KCTD8: variants seen among roughly 807,000 people sequenced by gnomAD.
KCTD8 encodes the protein BTB/POZ domain-containing protein KCTD8.
Under a neutral mutation model 31.5 loss-of-function variants are expected in KCTD8, and 27 were observed. That is an observed-to-expected ratio of 0.86 (90% CI 0.63 to 1.18). KCTD8 has a LOEUF of 1.18. Ranked by LOEUF, KCTD8 falls within the 50% of genes most tolerant of loss-of-function variation. KCTD8 has a pLI of 0.00. For synonymous variants in KCTD8, 290 were observed against 280.0 expected, an observed-to-expected ratio of 1.04 and a Z score of -0.36; for missense variants, 658 against 647.7, an observed-to-expected ratio of 1.02 and a Z score of -0.17.
At chr4:44,182,227 C>T (rs966147655) in intron 1 of KCTD8, among the ~76,000 whole-genome samples, 6 of 151,764 alleles carry the variant, frequency 4.0e-5, no homozygotes, top group Admixed American at 1.3e-4. Flanking sequence ...CACCTCTGCC[C>T]GGCCGCCCCT....
chr4:44,434,348 A>G (rs1407645663), intron 1 of KCTD8, among the ~76,000 whole-genome samples: 1 of 151,900 alleles, frequency 6.6e-6, no homozygotes, highest in African/African-American at 2.4e-5. Flanking sequence ...TCTATGCGTC[A>G]TATCATTTAA....
intron 1 of KCTD8, among the ~76,000 whole-genome samples, chr4:44,386,083 T>C (rs1285823357): frequency 2.0e-5 from 3 of 151,618 alleles, no homozygotes; most frequent in African/African-American, 7.2e-5. Flanking sequence ...ATTAGAACTC[T>C]TGTGCATTGT....
chr4:44,317,830 C>G (rs546692666), intron 1 of KCTD8, among the ~76,000 whole-genome samples: 2 of 152,324 alleles, frequency 1.3e-5, no homozygotes, highest in African/African-American at 4.8e-5. Context: ...CACTCTAATA[C>G]TCACTAGTAG....
chr4:44,418,974 T>C (rs1721144829), intron 1 of KCTD8, among the ~76,000 whole-genome samples: 1 of 152,226 alleles, frequency 6.6e-6, no homozygotes, highest in Admixed American at 6.5e-5. Context: ...AAACTCAAAT[T>C]ATTTTACTAC....
intron 1 of KCTD8, among the ~76,000 whole-genome samples, chr4:44,397,260 A>T (rs908490021): frequency 2.0e-5 from 3 of 152,186 alleles, no homozygotes; most frequent in Non-Finnish European, 4.4e-5. Context: ...ATCACAAGTG[A>T]AATTAGTGAA....
At chr4:44,423,726 T>C (rs1166551357) in intron 1 of KCTD8, among the ~76,000 whole-genome samples, 2 of 152,048 alleles carry the variant, frequency 1.3e-5, no homozygotes, top group Admixed American at 6.6e-5. Context: ...GAAAGCTTTT[T>C]GAATTCCACT....
intron 1 of KCTD8, among the ~76,000 whole-genome samples, chr4:44,277,625 C>T (rs1384693075): frequency 1.3e-5 from 2 of 151,644 alleles, no homozygotes; most frequent in Admixed American, 6.6e-5. Context: ...GGAACTAGAC[C>T]CCTGTTTTTC....
At chr4:44,318,925 G>T (rs2109404653) in intron 1 of KCTD8, among the ~76,000 whole-genome samples, 1 of 152,250 alleles carries the variant, frequency 6.6e-6, no homozygotes, top group Admixed American at 6.5e-5. Context: ...CCTTGAAAAA[G>T]CAGAAAAGAA....
intron 1 of KCTD8, among the ~76,000 whole-genome samples, chr4:44,333,102 T>C (rs1301830998): frequency 6.6e-6 from 1 of 152,098 alleles, no homozygotes; most frequent in Admixed American, 6.6e-5. Flanking sequence ...GATAACCAAC[T>C]GATCACACTA....
At chr4:44,190,406 A>G (rs1317753401) in intron 1 of KCTD8, among the ~76,000 whole-genome samples, 1 of 152,226 alleles carries the variant, frequency 6.6e-6, no homozygotes, top group East Asian at 1.9e-4. Flanking sequence ...GTTTATAATG[A>G]TACTTGTTTA....
intron 1 of KCTD8, among the ~76,000 whole-genome samples, chr4:44,417,583 C>A (rs934948241): frequency 1.5e-4 from 1 of 6,718 alleles, no homozygotes; most frequent in Non-Finnish European, 5.1e-4. Flanking sequence ...TATGGCAGAT[C>A]CTTAAGAAAA....
At chr4:44,401,181 A>T (rs73247540) in intron 1 of KCTD8, among the ~76,000 whole-genome samples, 22,545 of 151,712 alleles carry the variant, frequency 0.15, 1,857 homozygotes, top group Non-Finnish European at 0.18. Context: ...GTTTCTTAAG[A>T]TGTAGTTGGG....
intron 1 of KCTD8, among the ~76,000 whole-genome samples, chr4:44,267,493 G>C (rs1189660241): frequency 6.6e-6 from 1 of 152,066 alleles, no homozygotes; most frequent in Non-Finnish European, 1.5e-5. Context: ...AACTGGAAAA[G>C]CAAGAGCAAA....
intron 1 of KCTD8, among the ~76,000 whole-genome samples, chr4:44,424,625 T>C (rs1721301385): frequency 6.6e-6 from 1 of 152,038 alleles, no homozygotes; most frequent in Non-Finnish European, 1.5e-5. Context: ...GGCAATTGTT[T>C]CAGACTTTAG....
chr4:44,419,434 T>C (rs1350526944), intron 1 of KCTD8, among the ~76,000 whole-genome samples: 2 of 152,106 alleles, frequency 1.3e-5, no homozygotes, highest in African/African-American at 2.4e-5. Flanking sequence ...TGTCCTACTA[T>C]AAAAGCTGAC....
At chr4:44,412,059 C>G (rs1380940602) in intron 1 of KCTD8, among the ~76,000 whole-genome samples, 1 of 152,078 alleles carries the variant, frequency 6.6e-6, no homozygotes, top group Non-Finnish European at 1.5e-5. Flanking sequence ...AGAATAAAAT[C>G]TAGAACACTA....
At chr4:44,237,890 A>G (rs1028711540) in intron 1 of KCTD8, among the ~76,000 whole-genome samples, 1 of 152,162 alleles carries the variant, frequency 6.6e-6, no homozygotes, top group African/African-American at 2.4e-5. Flanking sequence ...GACACAGCTG[A>G]GGTTCAAATT....
chr4:44,321,973 T>C (rs1423477438), intron 1 of KCTD8, among the ~76,000 whole-genome samples: 2 of 152,064 alleles, frequency 1.3e-5, no homozygotes, highest in Non-Finnish European at 1.5e-5. Context: ...TGTGCATATA[T>C]ACAACATTTT....
chr4:44,305,535 T>A, intron 1 of KCTD8, among the ~76,000 whole-genome samples: 1 of 151,680 alleles, frequency 6.6e-6, no homozygotes, highest in East Asian at 1.9e-4. Flanking sequence ...CTCATATATA[T>A]CTAATATATA....
Sources: allele counts gnomAD v4.1 joint callset (sites outside exome capture counted in the v4.1 genomes callset), GRCh38; gene constraint gnomAD v4.1.1; transcripts MANE v1.5; gene names NCBI Gene and HGNC (gene_info 2026-07-23, HGNC 2026-07-21).